Variants in NFS1 observed in about 807,000 individuals in gnomAD.
NFS1 encodes the protein cysteine desulfurase.
Under a neutral mutation model 57.3 loss-of-function variants are expected in NFS1, and 26 were observed. The observed-to-expected ratio is 0.45, with a 90% CI of 0.33 to 0.63. The LOEUF is 0.63. NFS1 is among the 20% of genes least tolerant of loss of function. The pLI, the probability that NFS1 is intolerant of heterozygous loss-of-function variation, is 0.02. For missense variants in NFS1, 505 were observed against 605.8 expected, an observed-to-expected ratio of 0.83 and a Z score of 1.75; for synonymous variants, 209 against 216.3, an observed-to-expected ratio of 0.97 and a Z score of 0.30.
In NFS1 at chr20:35,690,420, T is replaced by C. The variant is rs993074234; in HGVS notation, c.554A>G (p.Asp185Gly). The C allele has an allele frequency of 2.5e-6, 4 of 1,613,062 alleles. No individual in the cohort carries two copies. The change falls in exon 5 of 13, where the codon GAC becomes GGC. Residue 185 changes from aspartate (D) to glycine (G), a missense_variant. Asp to Gly is a moderately conservative substitution (Grantham distance 94). Transcript: ENST00000374092. ...GCCAATAGCCACTCCTACCTTTAGGTCAATGATCCCACTCTTCTGCACTGG... is the reference window on the plus strand; with the variant it reads ...GCCAATAGCCACTCCTACCTTTAGGCCAATGATCCCACTCTTCTGCACTGG... ...YLPVQKSGII[D>G]LKELEAAIQP...
intron 3 of NFS1, 53 bp downstream of exon 3, chr20:35,697,631 C>G: frequency 8.3e-7 from 1 of 1,210,734 alleles, no homozygotes; most frequent in African/African-American, 1.5e-5. Context: ...ATGCCTCCCA[C>G]AGGCCACTGC....
At chr20:35,684,517 G>A (rs562076008) in intron 5 of NFS1, among the ~76,000 whole-genome samples, 1 of 151,880 alleles carries the variant, frequency 6.6e-6, no homozygotes, top group South Asian at 2.1e-4. Flanking sequence ...TTGGAAGGCT[G>A]AAATAGGTGG....
intron 5 of NFS1, among the ~76,000 whole-genome samples, chr20:35,688,326 G>A (rs995664285): frequency 3.9e-5 from 6 of 151,960 alleles, no homozygotes; most frequent in African/African-American, 7.3e-5. Flanking sequence ...GGGCCAAGAC[G>A]GGTGGATCAT....
chr20:35,674,879 C>T (rs2034714500), intron 8 of NFS1, 166 bp downstream of exon 8: 1 of 896,848 alleles, frequency 1.1e-6, no homozygotes, highest in Non-Finnish European at 1.7e-6. Flanking sequence ...GTTTTGAAGC[C>T]CATAATGTCT....
At chr20:35,688,762 AGGGAG>A in intron 5 of NFS1, among the ~76,000 whole-genome samples, 1 of 119,046 alleles carries the variant, frequency 8.4e-6, no homozygotes, top group South Asian at 3.2e-4. Flanking sequence ...GAAAAGAGGG[AGGGAG>A]GGAAAAGAGG....
At chr20:35,671,538 T>A (rs924081054) in intron 12 of NFS1, among the ~76,000 whole-genome samples, 1 of 152,142 alleles carries the variant, frequency 6.6e-6, no homozygotes, top group Admixed American at 6.5e-5. Flanking sequence ...GCCACTGCAC[T>A]CCAGCCTGGG....
intron 7 of NFS1, 118 bp downstream of exon 7, chr20:35,680,619 G>T: frequency 1.2e-6 from 1 of 844,662 alleles, no homozygotes; most frequent in Non-Finnish European, 1.7e-6. Flanking sequence ...TTCTACAAGG[G>T]ACTCTGAATG....
chr20:35,681,655 A>G lies in NFS1; in HGVS notation c.655+233T>C, dbSNP rs6060556. Reference sequence around the variant, plus strand: ...GGAGGTTGCAGGGAGCTGAGATCACACCACTGCACTCCAGCCTAGGTGACA... The same window carrying G: ...GGAGGTTGCAGGGAGCTGAGATCACGCCACTGCACTCCAGCCTAGGTGACA... On this transcript the variant is annotated intron_variant, in intron 6 of 12. Transcript: ENST00000374092. 0.15 allele frequency among the ~76,000 whole-genome samples: 22,309 copies of G among 152,094 alleles called. 1,637 individuals are homozygous for G. The highest frequency in any genetic ancestry group is 0.19 in the Middle Eastern group (57 of 294).
At chr20:35,695,405 C>G (rs777502876) in intron 4 of NFS1, among the ~76,000 whole-genome samples, 1 of 152,212 alleles carries the variant, frequency 6.6e-6, no homozygotes, top group Non-Finnish European at 1.5e-5. Context: ...GTACAGCAAG[C>G]CACAATTTCT....
At chr20:35,681,116 C>A (rs1042744356) in intron 6 of NFS1, among the ~76,000 whole-genome samples, 1 of 151,438 alleles carries the variant, frequency 6.6e-6, no homozygotes, top group Non-Finnish European at 1.5e-5. Flanking sequence ...AGCACCAGAT[C>A]GAAACACTCG....
intron 3 of NFS1, among the ~76,000 whole-genome samples, chr20:35,696,696 TG>T (rs1172638812): frequency 2.0e-5 from 3 of 151,940 alleles, no homozygotes; most frequent in Non-Finnish European, 4.4e-5. Flanking sequence ...TGGCCAGGTG[TG>T]GTGGGTCACT....
At chr20:35,677,460 T>C (rs2034772374) in intron 7 of NFS1, among the ~76,000 whole-genome samples, 1 of 151,850 alleles carries the variant, frequency 6.6e-6, no homozygotes, top group Non-Finnish European at 1.5e-5. Context: ...CACTTGAGCC[T>C]AGGAGGTCGA....
chr20:35,673,638 T>C lies in NFS1; in HGVS notation c.1183A>G (p.Ile395Val), dbSNP rs777153060. The change falls in exon 11 of 13, where the codon ATT becomes GTT. Residue 395 changes from isoleucine to valine, a missense_variant. Ile to Val is a conservative substitution (Grantham distance 29). Coordinates refer to ENST00000374092, the MANE Select transcript of NFS1 (RefSeq NM_021100.5). ...TGCGCTAAATCCTCATCAGTGCCAA[T>C]TGCTCTAAGCACATAAGAGGGCTCC... is the stretch of plus-strand genomic sequence containing the variant. ...SLEPSYVLRA[I>V]GTDEDLAHSS... The C allele has an allele frequency of 1.2e-6, 2 of 1,613,924 alleles. No homozygotes were observed. Among genetic ancestry groups the C allele is most frequent in the Non-Finnish European group, 8.5e-7 (1 of 1,179,900 alleles).
At chr20:35,691,972 C>T (rs1261902903) in intron 4 of NFS1, among the ~76,000 whole-genome samples, 1 of 151,720 alleles carries the variant, frequency 6.6e-6, no homozygotes, top group African/African-American at 2.4e-5. Flanking sequence ...CACCTAAGGT[C>T]GGGAGTTCAA....
Position 35,699,046 on chromosome 20 carries a change from T to C in NFS1, c.97+146A>G, listed in dbSNP as rs1308932507. The C allele has an allele frequency of 2.3e-6, 3 of 1,320,554 alleles. No individual in the cohort carries two copies. Among genetic ancestry groups the C allele is most frequent in the Non-Finnish European group, 2.9e-6 (3 of 1,037,858 alleles). 81.8% of individuals were successfully genotyped at this position (1,320,554 alleles called of 1,614,324 possible). A position where few individuals can be genotyped will look rare whatever the true frequency, so the allele number is the denominator to read the frequency against. On this transcript the variant is annotated intron_variant, in intron 1 of 12. Coordinates refer to ENST00000374092, the MANE Select transcript of NFS1 (RefSeq NM_021100.5). The surrounding 1 kb of genome is among the most constrained non-coding windows in gnomAD (Gnocchi z 4.4). ...GGGGTCAACCGTTCGGGGACCCGCC[T>C]AAGAAAGTTTGAGGGATGTGTCATT...
chr20:35,697,788 G>A lies in NFS1; in HGVS notation c.220C>T (p.Leu74Phe). The A allele has an allele frequency of 6.2e-7, 1 of 1,611,924 alleles. No individual in the cohort carries two copies. Among genetic ancestry groups the A allele is most frequent in the Non-Finnish European group, 8.5e-7 (1 of 1,178,484 alleles). ...ATTAGGTAAGGGAGCATGGCATCAAGCACCCGGGGGTCCTGAACACAACAG... is the reference window on the plus strand; with the variant it reads ...ATTAGGTAAGGGAGCATGGCATCAAACACCCGGGGGTCCTGAACACAACAG... ...QATTPLDPRV[L>F]DAMLPYLINY... Residue 74 changes from leucine (L) to phenylalanine (F), a missense_variant, in exon 3 of 13, where the codon CTT becomes TTT. Physicochemically the swap from Leu to Phe is conservative, Grantham distance 22 (BLOSUM62 0). Transcript: ENST00000374092.
intron 5 of NFS1, among the ~76,000 whole-genome samples, chr20:35,684,165 T>C (rs2034898337): frequency 6.6e-6 from 1 of 151,868 alleles, no homozygotes; most frequent in Non-Finnish European, 1.5e-5. Flanking sequence ...CCCAGCACTT[T>C]GGGAGGCCGA....
chr20:35,698,264 A>G (rs1424670856), intron 2 of NFS1, among the ~76,000 whole-genome samples: 6 of 152,262 alleles, frequency 3.9e-5, no homozygotes, highest in East Asian at 1.9e-4. Context: ...CTAATACTAT[A>G]GAGCCTGCGC....
intron 7 of NFS1, among the ~76,000 whole-genome samples, chr20:35,680,075 C>T (rs963240950): frequency 1.3e-5 from 2 of 152,074 alleles, no homozygotes; most frequent in East Asian, 1.9e-4. Flanking sequence ...GAGGCCGAGA[C>T]GGGCGGATCA....
Sources: allele counts gnomAD v4.1 joint callset (sites outside exome capture counted in the v4.1 genomes callset), GRCh38; gene constraint gnomAD v4.1.1; non-coding constraint Gnocchi (gnomAD v3.1); transcripts MANE v1.5; gene names NCBI Gene and HGNC (gene_info 2026-07-23, HGNC 2026-07-21).